Variants in TPP1 observed in about 807,000 individuals in gnomAD.
TPP1 encodes the protein tripeptidyl-peptidase 1.
Under a neutral mutation model 67.6 loss-of-function variants are expected in TPP1, and 43 were observed. The ratio of observed to expected loss-of-function variants is 0.64; its 90% CI spans 0.50 to 0.82. The LOEUF (loss-of-function observed/expected upper bound fraction) is 0.82, where lower values mean the gene tolerates loss of function less well. Ranked by LOEUF, TPP1 falls within the 40% of genes least tolerant of loss-of-function variation. TPP1 has a pLI of 0.00. For synonymous variants in TPP1, 272 were observed against 281.5 expected (o/e 0.97, Z 0.34); for missense variants, 671 against 710.9 (o/e 0.94, Z 0.64).
chr11:6,617,350 G>A lies in TPP1; in HGVS notation c.459C>T (p.Ser153=), dbSNP rs758804147. The change falls in exon 5 of 13, where the codon TCC becomes TCT. Residue 153 remains serine, a synonymous_variant. Coordinates refer to ENST00000299427, the MANE Select transcript of TPP1 (RefSeq NM_000391.4). The part of the protein sequence containing the change: ...GGPTETHVVR[S]PHPYQLPQAL... Reference sequence around the variant, plus strand: ...CCTGTGGAAGCTGGTAGGGATGTGGGGACCTTACAACATGGGTTTCCGTAG... The same window carrying A: ...CCTGTGGAAGCTGGTAGGGATGTGGAGACCTTACAACATGGGTTTCCGTAG... 3.1e-6 allele frequency: 5 copies of A among 1,614,118 alleles called. No homozygotes were observed. The highest frequency in any genetic ancestry group is 4.2e-6 in the Non-Finnish European group (5 of 1,180,024).
rs993969924 is a variant in TPP1, at chr11:6,616,913, G to A, written c.688-54C>T. On this transcript the variant is annotated intron_variant, in intron 6 of 12. Coordinates refer to ENST00000299427, the MANE Select transcript of TPP1 (RefSeq NM_000391.4). ...GGGTCCGAGGGTGAGTCCCAGGGTG[G>A]TAAGGAATTGAGGACACTGTGGGGA... is the stretch of plus-strand genomic sequence containing the variant. 9.3e-6 allele frequency: 15 copies of A among 1,613,884 alleles called. No individual in the cohort carries two copies. In the African/African-American group the frequency reaches 1.6e-4, roughly 17 times the overall value.
At chr11:6,619,004 C>A in intron 2 of TPP1, 89 bp from the exon 3 acceptor site, 1 of 1,582,698 alleles carries the variant, frequency 6.3e-7, no homozygotes. Context: ...GGAGCTGAGA[C>A]CTTGGGGAGG....
chr11:6,617,931 G>T, intron 3 of TPP1, 155 bp from the exon 4 acceptor site: 1 of 1,007,496 alleles, frequency 9.9e-7, no homozygotes, highest in Non-Finnish European at 1.5e-6. Flanking sequence ...GGGAAGCAGA[G>T]GAAGAAAAGG....
rs771531162 is a variant in TPP1, at chr11:6,615,008, G to A, written c.1426-17C>T. The A allele has an allele frequency of 7.4e-6, 12 of 1,614,016 alleles. No individual in the cohort carries two copies. In the Middle Eastern group the frequency reaches 4.9e-4, roughly 66 times the overall value. ...AGTAGAGGCCTACAAGAGTGAAGGT[G>A]CAAGTAGAGGTCAGGGGTTCTGAGT... On this transcript the variant is annotated splice_polypyrimidine_tract_variant and intron_variant, in intron 11 of 12. Transcript: ENST00000299427.
chr11:6,619,347 C>T (rs369700288), intron 1 of TPP1, 37 bp downstream of exon 1: 20 of 1,614,116 alleles, frequency 1.2e-5, no homozygotes, highest in African/African-American at 2.7e-5. Flanking sequence ...CTCCCTCCAA[C>T]GTGATCCCTT....
At chr11:6,615,900 G>T in intron 9 of TPP1, 105 bp downstream of exon 9, 1 of 1,338,090 alleles carries the variant, frequency 7.5e-7, no homozygotes. Context: ...AAAGCTTAAG[G>T]CTGAACCACA....
intron 4 of TPP1, 55 bp from the exon 5 acceptor site, chr11:6,617,483 C>G (rs1487797903): frequency 6.2e-7 from 1 of 1,613,714 alleles, no homozygotes; most frequent in Non-Finnish European, 8.5e-7. Context: ...AAGAAGCTAC[C>G]TCTGAGCATC....
rs988028953 is a variant in TPP1, at chr11:6,613,284, C to T, written c.*1262G>A. On this transcript the variant is annotated 3_prime_UTR_variant, in exon 13 of 13. Coordinates refer to ENST00000299427, the MANE Select transcript of TPP1 (RefSeq NM_000391.4). Reference sequence around the variant, plus strand: ...GTCTTGCAAGAATTCTGGAAATTAACCTGGCAGTTGTATCAGGGGTGGTAA... The same window carrying T: ...GTCTTGCAAGAATTCTGGAAATTAATCTGGCAGTTGTATCAGGGGTGGTAA... 6 of 152,162 alleles carry T rather than the reference C, an allele frequency of 3.9e-5. No individual in the cohort carries two copies. The highest frequency in any genetic ancestry group is 1.4e-4 in the African/African-American group (6 of 41,426). The allele number at this position is 152,162 out of a possible 1,614,324, so 9.4% of individuals were successfully genotyped here.
At chr11:6,618,752 C>A in intron 3 of TPP1, 24 bp downstream of exon 3, 1 of 1,613,034 alleles carries the variant, frequency 6.2e-7, no homozygotes, top group Non-Finnish European at 8.5e-7. Flanking sequence ...CATCCCACAT[C>A]CTGTCCTCAG....
chr11:6,615,586 G>T lies in TPP1; in HGVS notation c.1146-24C>A, dbSNP rs13377445. 1.6e-3 allele frequency: 2,595 copies of T among 1,613,904 alleles called. 55 individuals are homozygous for T. In the African/African-American group the frequency reaches 0.029, roughly 18 times the overall value. On this transcript the variant is annotated intron_variant, in intron 9 of 12. Transcript: ENST00000299427. Reference sequence around the variant, plus strand: ...GGCTGAGGGGAGAAGACAGCATTTGGATAGTAGGGGACCCAAGGGGACCTC... The same window carrying T: ...GGCTGAGGGGAGAAGACAGCATTTGTATAGTAGGGGACCCAAGGGGACCTC...
In TPP1 at chr11:6,615,125, T is replaced by C. The variant is rs199583251; in HGVS notation, c.1425+46A>G. 1.3e-3 allele frequency: 2,178 copies of C among 1,613,648 alleles called. 6 individuals carry two copies. The highest frequency in any genetic ancestry group is 1.7e-3 in the Non-Finnish European group (1,983 of 1,179,888). On this transcript the variant is annotated intron_variant, in intron 11 of 12. Transcript: ENST00000299427. ...GCAAGGTGTTCAAGGTGTTAGGGGGTAAGGGTAGTTCCTGAGTGAGAGTTT... is the reference window on the plus strand; with the variant it reads ...GCAAGGTGTTCAAGGTGTTAGGGGGCAAGGGTAGTTCCTGAGTGAGAGTTT...
In TPP1 at chr11:6,614,170, C is replaced by T. The variant is rs921432298; in HGVS notation, c.*376G>A. 2.8e-5 allele frequency: 8 copies of T among 282,800 alleles called. No homozygotes were observed. Among genetic ancestry groups the T allele is most frequent in the Admixed American group, 4.8e-5 (1 of 20,826 alleles). 17.5% of individuals were successfully genotyped at this position (282,800 alleles called of 1,614,324 possible). Reference sequence around the variant, plus strand: ...GGATGTCAGGGTAGGAAAGAGTAAACGGTGACAGTAGAGGTCTCCTTGCAG... The same window carrying T: ...GGATGTCAGGGTAGGAAAGAGTAAATGGTGACAGTAGAGGTCTCCTTGCAG... On this transcript the variant is annotated 3_prime_UTR_variant, in exon 13 of 13. Coordinates refer to ENST00000299427, the MANE Select transcript of TPP1 (RefSeq NM_000391.4).
Position 6,615,497 on chromosome 11 carries a change from A to T in TPP1, c.1211T>A (p.Val404Asp). ...QEPFLITNEI[V>D]DYISGGGFSN... The stretch of plus-strand genomic sequence containing the variant: ...GAAGCCACCACCACTGATATAGTCA[A>T]CAATTTCATTTGTGATGAGGAAAGG... The change falls in exon 10 of 13, where the codon GTT (valine) becomes GAT (aspartate). Residue 404 changes from valine to aspartate, a missense_variant. Coordinates refer to ENST00000299427, the MANE Select transcript of TPP1 (RefSeq NM_000391.4). The T allele has an allele frequency of 6.2e-7, 1 of 1,614,216 alleles. No individual in the cohort carries two copies.
Position 6,619,201 on chromosome 11 carries a change from C to T in TPP1, c.84G>A (p.Arg28=), listed in dbSNP as rs2134598658. 1 of 1,614,140 alleles carries T rather than the reference C, an allele frequency of 6.2e-7. No individual in the cohort carries two copies. The highest frequency in any genetic ancestry group is 1.1e-5 in the South Asian group (1 of 91,072). The part of the protein sequence containing the change: ...KCSYSPEPDQ[R]RTLPPGWVSL... ...TCTGTGCTAAGTCAACTCACGTCCT[C>T]CGCTGGTCGGGCTCCGGGCTGTAAC... Residue 28 remains arginine (R), a synonymous_variant, in exon 2 of 13, where the codon CGG becomes CGA. Coordinates refer to ENST00000299427, the MANE Select transcript of TPP1 (RefSeq NM_000391.4).
In TPP1 at chr11:6,614,378, G is replaced by A; in HGVS notation, c.*168C>T. ...GGAGACCTGAGTATGATGGAGCATG[G>A]TAGGGTTGGGAGTCAAGTCAAGCTC... On this transcript the variant is annotated 3_prime_UTR_variant, in exon 13 of 13. Transcript: ENST00000299427. 1.2e-6 allele frequency: 1 copy of A among 855,436 alleles called. No individual in the cohort carries two copies. The highest frequency in any genetic ancestry group is 1.7e-5 in the South Asian group (1 of 60,470). 53.0% of individuals were successfully genotyped at this position (855,436 alleles called of 1,614,324 possible).
In TPP1 at chr11:6,616,472, C is replaced by T. The variant is rs943551240; in HGVS notation, c.918G>A (p.Gln306=). ...GRHEGQEPFL[Q]WLMLLSNESA... is the part of the protein sequence containing the mutation. ...ACTCATTACTGAGCAGCATGAGCCACTGCAGGAAGGGCTCCTGTCCCTCAT... is the reference window on the plus strand; with the variant it reads ...ACTCATTACTGAGCAGCATGAGCCATTGCAGGAAGGGCTCCTGTCCCTCAT... The change falls in exon 8 of 13, where the codon CAG becomes CAA. Residue 306 remains glutamine (Q), a synonymous_variant. Transcript: ENST00000299427. 2 of 1,610,564 alleles carry T rather than the reference C, an allele frequency of 1.2e-6. No homozygotes were observed. The highest frequency in any genetic ancestry group is 1.7e-6 in the Non-Finnish European group (2 of 1,179,764).
At chr11:6,618,738 A>G (rs1364836152) in intron 3 of TPP1, 38 bp downstream of exon 3, 1 of 1,611,700 alleles carries the variant, frequency 6.2e-7, no homozygotes, top group Non-Finnish European at 8.5e-7. Context: ...GTGTCCCTCC[A>G]CCGCATCCCA....
chr11:6,614,701 G>A lies in TPP1; in HGVS notation c.1552-15C>T. On this transcript the variant is annotated splice_polypyrimidine_tract_variant and intron_variant, in intron 12 of 12. Transcript: ENST00000299427. ...CCACGGGTTACCTAGGGAGGAGGCT[G>A]GCATCAGATCTGGGCCTACTAGTAC... The A allele has an allele frequency of 6.2e-7, 1 of 1,614,120 alleles. No individual in the cohort carries two copies. The highest frequency in any genetic ancestry group is 1.6e-4 in the Middle Eastern group (1 of 6,062).
rs2134594996 is a variant in TPP1 at position 6,617,047 on chromosome 11, G to C, written c.615C>G (p.Ile205Met). The change falls in exon 6 of 13, where the codon ATC (isoleucine) becomes ATG (methionine). Residue 205 changes from isoleucine to methionine, a missense_variant. Ile to Met is a conservative substitution (Grantham distance 10, BLOSUM62 1). Transcript: ENST00000299427. Reference protein sequence around the residue: ...GLHLGVTPSVIRKRYNLTSQD... With the variant: ...GLHLGVTPSVMRKRYNLTSQD... ...GTGAGGTCAAGTTGTATCGCTTACGGATCACAGAGGGGGTTACCCCCAGAT... is the reference window on the plus strand; with the variant it reads ...GTGAGGTCAAGTTGTATCGCTTACGCATCACAGAGGGGGTTACCCCCAGAT... The C allele has an allele frequency of 1.1e-5, 17 of 1,614,154 alleles. No homozygotes were observed. The highest frequency in any genetic ancestry group is 1.4e-5 in the Non-Finnish European group (16 of 1,180,006).
Sources: gnomAD v4.1 joint callset for allele counts on GRCh38, gnomAD v4.1.1 for gene constraint, MANE v1.5 for transcripts, NCBI Gene and HGNC (gene_info 2026-07-23, HGNC 2026-07-21) for gene names.